Variants in DAB1 observed in about 807,000 individuals in gnomAD.
The protein encoded by DAB1 is DAB adaptor protein 1.
In DAB1, 15 loss-of-function variants were observed where a neutral mutation model predicts 64.6. That is an observed-to-expected ratio of 0.23 (90% CI 0.16 to 0.36). The LOEUF (loss-of-function observed/expected upper bound fraction) is 0.36, where lower values mean the gene tolerates loss of function less well. Ranked by LOEUF, DAB1 falls within the 10% of genes least tolerant of loss-of-function variation. The probability of loss-of-function intolerance (pLI) is 1.00; values close to 1 mark genes in which losing one functional copy is unlikely to be tolerated. For missense variants in DAB1, 596 were observed against 706.7 expected (o/e 0.84, Z 1.78); for synonymous variants, 235 against 251.9 (o/e 0.93, Z 0.64).
chr1:57,607,260 A>G (rs1284262103), intron 7 of DAB1, among the ~76,000 whole-genome samples: 1 of 152,226 alleles, frequency 6.6e-6, no homozygotes, highest in Non-Finnish European at 1.5e-5. Context: ...ACTGGGTCAT[A>G]GTCCAAAAGG....
chr1:58,539,243 G>C, intron 1 of DAB1: 5 of 870,080 alleles, frequency 5.7e-6, no homozygotes, highest in Non-Finnish European at 1.0e-5. Context: ...GAATTAAATC[G>C]GAAGAAAACA....
At chr1:58,078,115 C>T (rs1649766558) in intron 5 of DAB1, 1 of 152,250 alleles carries the variant, frequency 6.6e-6, no homozygotes, top group African/African-American at 2.4e-5. Flanking sequence ...TGCCTTCCAG[C>T]ATAGGGTGCC....
At chr1:57,279,322 T>A (rs1671712180) in intron 2 of DAB1, among the ~76,000 whole-genome samples, 1 of 152,234 alleles carries the variant, frequency 6.6e-6, no homozygotes, top group Non-Finnish European at 1.5e-5. Context: ...TCGTAATACC[T>A]AATGCAAAGA....
At chr1:58,300,649 G>A (rs199759130) in intron 4 of DAB1, among the ~76,000 whole-genome samples, 493 of 48,934 alleles carry the variant, frequency 0.01, 17 homozygotes, top group South Asian at 0.013. Context: ...AGAGAGAGAG[G>A]AAGGAAGGAA....
intron 1 of DAB1, among the ~76,000 whole-genome samples, chr1:57,421,914 T>TGGGGGGGGGGGGGGGGGG (rs1684932712): frequency 8.7e-5 from 1 of 11,472 alleles, no homozygotes. Context: ...GGGGGGGGGG[T>TGGGGGGGGGGGGGGGGGG]GGCGGGGGGG....
At chr1:57,145,538 G>A in intron 2 of DAB1, 109 bp from the exon 3 acceptor site, 1 of 1,166,254 alleles carries the variant, frequency 8.6e-7, no homozygotes, top group South Asian at 1.5e-5. Context: ...TTCCCGGAAA[G>A]TCAAATCACT....
intron 3 of DAB1, among the ~76,000 whole-genome samples, chr1:58,395,125 C>T (rs1644508580): frequency 6.6e-6 from 1 of 152,072 alleles, no homozygotes; most frequent in Non-Finnish European, 1.5e-5. Context: ...GCCCTGTTTG[C>T]CTCTGTTAGC....
At chr1:57,363,677 A>G (rs1417764109) in intron 1 of DAB1, among the ~76,000 whole-genome samples, 1 of 152,190 alleles carries the variant, frequency 6.6e-6, no homozygotes, top group Admixed American at 6.5e-5. Context: ...AAAGGGAATA[A>G]TGTACCCAAG....
intron 2 of DAB1, among the ~76,000 whole-genome samples, chr1:57,264,190 C>T (rs969407025): frequency 6.6e-5 from 10 of 152,116 alleles, no homozygotes; most frequent in Admixed American, 2.0e-4. Flanking sequence ...ATCATAGTAT[C>T]TAAAACATAA....
chr1:57,562,738 C>A (rs1273710953), intron 7 of DAB1, among the ~76,000 whole-genome samples: 2 of 152,186 alleles, frequency 1.3e-5, no homozygotes, highest in Non-Finnish European at 2.9e-5. Context: ...ATTCTGCTGA[C>A]CTGGTGGTCT....
chr1:57,870,720 A>C (rs942257748), intron 1 of DAB1, among the ~76,000 whole-genome samples: 3 of 152,158 alleles, frequency 2.0e-5, no homozygotes, highest in African/African-American at 7.2e-5. Flanking sequence ...GTGCTAAATG[A>C]GTAAATGATT....
At chr1:57,280,726 A>G (rs1558081889) in intron 2 of DAB1, among the ~76,000 whole-genome samples, 2 of 152,214 alleles carry the variant, frequency 1.3e-5, no homozygotes, top group African/African-American at 2.4e-5. Context: ...TTGGACACAC[A>G]TCACAAAAGG....
At chr1:58,490,385 T>C (rs887037793) in intron 3 of DAB1, among the ~76,000 whole-genome samples, 9 of 151,732 alleles carry the variant, frequency 5.9e-5, no homozygotes, top group Non-Finnish European at 1.2e-4. Flanking sequence ...GAAGAGAAGG[T>C]TAGAGAAAAA....
chr1:57,521,009 A>T (rs1165061748), intron 7 of DAB1, among the ~76,000 whole-genome samples: 1 of 152,166 alleles, frequency 6.6e-6, no homozygotes, highest in Admixed American at 6.5e-5. Context: ...TGTGTTGCAC[A>T]CTGTTCTAAG....
At chr1:58,118,531 T>TAC in intron 5 of DAB1, among the ~76,000 whole-genome samples, 1 of 123,198 alleles carries the variant, frequency 8.1e-6, no homozygotes, top group African/African-American at 3.3e-5. Context: ...CATATATATA[T>TAC]ATAAAATACA....
At chr1:57,161,300 A>G (rs912258909) in intron 2 of DAB1, among the ~76,000 whole-genome samples, 1 of 152,190 alleles carries the variant, frequency 6.6e-6, no homozygotes, top group Non-Finnish European at 1.5e-5. Context: ...CAAGAGGCTA[A>G]GCCTAATCAA....
chr1:57,428,802 C>T (rs1685383843), upstream of DAB1, among the ~76,000 whole-genome samples: 8 of 142,550 alleles, frequency 5.6e-5, no homozygotes, highest in South Asian at 1.9e-3. Flanking sequence ...GTTCCCTTAT[C>T]TCTTCATTTG....
chr1:57,571,430 T>C (rs1361571142), intron 7 of DAB1, among the ~76,000 whole-genome samples: 1 of 152,218 alleles, frequency 6.6e-6, no homozygotes, highest in East Asian at 1.9e-4. Flanking sequence ...ATTCACTGCA[T>C]GTAATTTGCA....
chr1:58,131,829 C>T (rs1221949356), intron 5 of DAB1, among the ~76,000 whole-genome samples: 6 of 150,072 alleles, frequency 4.0e-5, no homozygotes, highest in Non-Finnish European at 8.9e-5. Context: ...AGATCTCCAG[C>T]TGCTTGCTGG....
Sources: gnomAD v4.1 joint callset for allele counts (sites outside exome capture counted in the v4.1 genomes callset) on GRCh38, gnomAD v4.1.1 for gene constraint, MANE v1.5 for transcripts, NCBI Gene and HGNC (gene_info 2026-07-23, HGNC 2026-07-21) for gene names.